The following MAPKAPK5 variants were observed in gnomAD, a reference collection of about 807,000 sequenced individuals.
The protein encoded by MAPKAPK5 is MAP kinase-activated protein kinase 5.
In MAPKAPK5, 30 loss-of-function variants were observed where a neutral mutation model predicts 65.1. The ratio of observed to expected loss-of-function variants is 0.46; its 90% confidence interval spans 0.34 to 0.63. MAPKAPK5 has a LOEUF of 0.63. Ranked by LOEUF, MAPKAPK5 falls within the 20% of genes least tolerant of loss-of-function variation. The pLI, the probability that MAPKAPK5 is intolerant of heterozygous loss-of-function variation, is 0.01. For synonymous variants in MAPKAPK5, 179 were observed against 204.6 expected (o/e 0.87, Z 1.07); for missense variants, 433 against 581.4 (o/e 0.74, Z 2.63).
chr12:111,865,855 AAAAG>A (rs953476536), intron 2 of MAPKAPK5, among the ~76,000 whole-genome samples: 6 of 151,474 alleles, frequency 4.0e-5, no homozygotes, highest in Middle Eastern at 3.4e-3. Context: ...AAAAAAAAAA[AAAAG>A]GGTGTCGAGA....
intron 1 of MAPKAPK5, 96 bp from the exon 2 acceptor site, chr12:111,865,154 T>A: frequency 2.8e-6 from 2 of 717,216 alleles, no homozygotes; most frequent in South Asian, 1.7e-5. Flanking sequence ...GAAGATGAGC[T>A]GTTGAGTGAC....
intron 7 of MAPKAPK5, among the ~76,000 whole-genome samples, chr12:111,875,984 T>TCA (rs1171399640): frequency 1.3e-5 from 2 of 151,876 alleles, no homozygotes; most frequent in Non-Finnish European, 2.9e-5. Flanking sequence ...GGGGGGTGGA[T>TCA]CACTTGAGGT....
At chr12:111,887,219 G>A (rs2070433482) in intron 10 of MAPKAPK5, among the ~76,000 whole-genome samples, 2 of 152,162 alleles carry the variant, frequency 1.3e-5, no homozygotes, top group African/African-American at 4.8e-5. Context: ...CTGGAGCATG[G>A]AAGAAAAAGG....
chr12:111,866,113 T>A (rs766361172), intron 2 of MAPKAPK5, 43 bp from the exon 3 acceptor site: 1 of 1,411,212 alleles, frequency 7.1e-7, no homozygotes, highest in South Asian at 1.3e-5. Context: ...ATTTTCATTC[T>A]AACATATATG....
chr12:111,843,666 C>T (rs1030986597), intron 1 of MAPKAPK5, among the ~76,000 whole-genome samples: 1 of 152,186 alleles, frequency 6.6e-6, no homozygotes, highest in Non-Finnish European at 1.5e-5. Flanking sequence ...AAGACAGTTA[C>T]TAGTAATGAT....
At chr12:111,855,010 A>G (rs1464173841) in intron 1 of MAPKAPK5, among the ~76,000 whole-genome samples, 2 of 152,014 alleles carry the variant, frequency 1.3e-5, no homozygotes. Flanking sequence ...AGTTTTGGTA[A>G]TTTCTTTCTA....
At position 111,898,315 on chromosome 12, in the gene MAPKAPK5, C is replaced by T. The variant is rs1173456307; in HGVS notation, c.*5254C>T. ...TCCTGAGTAGCTGAGATTACAGGCG[C>T]CTGCCACCACGCCCCGCTAATTTTT... On this transcript the variant is annotated 3_prime_UTR_variant, in exon 14 of 14. Transcript: ENST00000550735. The T allele has an allele frequency of 6.6e-6, 1 of 152,046 alleles. No individual in the cohort carries two copies. Among genetic ancestry groups the T allele is most frequent in the Non-Finnish European group, 1.5e-5 (1 of 68,068 alleles). 9.4% of individuals were successfully genotyped at this position (152,046 alleles called of 1,614,324 possible).
chr12:111,882,176 C>A (rs1368506049), intron 8 of MAPKAPK5, among the ~76,000 whole-genome samples: 5 of 152,264 alleles, frequency 3.3e-5, no homozygotes, highest in Admixed American at 2.6e-4. Flanking sequence ...GTCAGGAGAT[C>A]GAGACCATCC....
chr12:111,899,433 CT>C lies in MAPKAPK5; in HGVS notation c.*6376del, dbSNP rs1259274095. 1 of 157,370 alleles carries C rather than the reference CT, an allele frequency of 6.4e-6. No individual in the cohort carries two copies. The highest frequency in any genetic ancestry group is 2.4e-5 in the African/African-American group (1 of 41,448). 9.7% of individuals were successfully genotyped at this position (157,370 alleles called of 1,614,324 possible). On this transcript the variant is annotated 3_prime_UTR_variant, in exon 14 of 14. Coordinates refer to ENST00000550735, the MANE Select transcript of MAPKAPK5 (RefSeq NM_003668.4). ...ATGTATCAGGTTAGAGATTTTGATG[CT>C]TTTGGTGATTTTTGTGCCAAGCATG...
intron 1 of MAPKAPK5, among the ~76,000 whole-genome samples, chr12:111,857,940 C>T (rs992220348): frequency 1.3e-5 from 2 of 151,274 alleles, no homozygotes; most frequent in Non-Finnish European, 2.9e-5. Flanking sequence ...GCTCTGTTGC[C>T]TAGGCTGGAG....
intron 1 of MAPKAPK5, among the ~76,000 whole-genome samples, chr12:111,861,560 T>C (rs1437582420): frequency 1.3e-5 from 2 of 152,258 alleles, no homozygotes; most frequent in Non-Finnish European, 2.9e-5. Flanking sequence ...ACTCCTGACC[T>C]CATGATCTGC....
rs1361050809 is a variant in MAPKAPK5 at position 111,857,601 on chromosome 12, T to C, written c.37-7649T>C. 2.6e-5 allele frequency among the ~76,000 whole-genome samples: 4 copies of C among 152,304 alleles called. No individual in the cohort carries two copies. In the South Asian group the frequency reaches 6.2e-4, roughly 24 times the overall value. ...GCATTGCCATTCTCTCCAAAGGACTTCCTTTGGTAGTTCTTGTAGGCCAAG... is the reference window on the plus strand; with the variant it reads ...GCATTGCCATTCTCTCCAAAGGACTCCCTTTGGTAGTTCTTGTAGGCCAAG... On this transcript the variant is annotated intron_variant, in intron 1 of 13. Coordinates refer to ENST00000550735, the MANE Select transcript of MAPKAPK5 (RefSeq NM_003668.4).
intron 8 of MAPKAPK5, among the ~76,000 whole-genome samples, chr12:111,881,422 T>TTTTTTTTTTTG (rs1593174169): frequency 7.9e-6 from 1 of 126,474 alleles, no homozygotes; most frequent in Non-Finnish European, 1.8e-5. Flanking sequence ...TTTTTTTTTT[T>TTTTTTTTTTTG]GAGACAGAGT....
chr12:111,852,767 T>G (rs1015055151), intron 1 of MAPKAPK5, among the ~76,000 whole-genome samples: 5 of 152,114 alleles, frequency 3.3e-5, no homozygotes, highest in Non-Finnish European at 7.4e-5. Flanking sequence ...AATCTTGCCT[T>G]TTGATAAATT....
At chr12:111,842,829 G>T in intron 1 of MAPKAPK5, 60 bp downstream of exon 1, 1 of 1,265,518 alleles carries the variant, frequency 7.9e-7, no homozygotes, top group South Asian at 3.7e-5. Context: ...CTCGGCTCTA[G>T]CCTCAAAAAG....
intron 7 of MAPKAPK5, among the ~76,000 whole-genome samples, chr12:111,876,530 A>G (rs574905602): frequency 1.8e-4 from 28 of 152,006 alleles, no homozygotes; most frequent in South Asian, 4.1e-4. Context: ...TTTTCCTGCC[A>G]GGGATCTCTT....
At chr12:111,877,467 G>A (rs1566260534) in intron 7 of MAPKAPK5, among the ~76,000 whole-genome samples, 1 of 152,214 alleles carries the variant, frequency 6.6e-6, no homozygotes, top group East Asian at 1.9e-4. Context: ...TAGTGTATAT[G>A]TAGTGGTATT....
intron 1 of MAPKAPK5, among the ~76,000 whole-genome samples, chr12:111,844,440 C>T (rs2068840628): frequency 6.6e-6 from 1 of 152,226 alleles, no homozygotes; most frequent in African/African-American, 2.4e-5. Context: ...ATTTGCCCGC[C>T]TCGGCCTCCC....
chr12:111,865,430 T>G (rs1319563580), intron 2 of MAPKAPK5, 107 bp downstream of exon 2: 24 of 757,150 alleles, frequency 3.2e-5, no homozygotes, highest in Non-Finnish European at 5.2e-5. Flanking sequence ...GTGCCAGATT[T>G]GAGGAATAGG....
Sources: allele counts gnomAD v4.1 joint callset (sites outside exome capture counted in the v4.1 genomes callset), GRCh38; gene constraint gnomAD v4.1.1; transcripts MANE v1.5; gene names NCBI Gene and HGNC (gene_info 2026-07-23, HGNC 2026-07-21).